Variants in CELF2 observed in about 807,000 individuals in gnomAD.
The protein encoded by CELF2 is CUG triplet repeat RNA-binding protein 2.
A neutral mutation model predicts 62.6 loss-of-function variants in CELF2; 8 were observed. That is an observed-to-expected ratio of 0.13 (90% confidence interval 0.07 to 0.23). The LOEUF (loss-of-function observed/expected upper bound fraction) is 0.23, where lower values mean the gene tolerates loss of function less well. CELF2 is among the 10% of genes least tolerant of loss of function. The probability of loss-of-function intolerance (pLI) is 1.00; values close to 1 mark genes in which losing one functional copy is unlikely to be tolerated. For synonymous variants in CELF2, 258 were observed against 250.0 expected (o/e 1.03, Z -0.30); for missense variants, 333 against 671.0 (o/e 0.50, Z 5.56).
At chr10:10,669,100 G>A in the CELF2 span, among the ~76,000 whole-genome samples, 1 of 152,208 alleles carries the variant, frequency 6.6e-6, no homozygotes, top group African/African-American at 2.4e-5. Flanking sequence ...CCTTGCTGAG[G>A]AGAGAGGCAG....
chr10:10,963,633 A>C (rs760339417), intron 2 of CELF2, among the ~76,000 whole-genome samples: 2 of 151,718 alleles, frequency 1.3e-5, no homozygotes, highest in Admixed American at 1.3e-4. Flanking sequence ...GCCTGTATTT[A>C]TGGGTCCATC....
At chr10:10,955,671 G>C (rs1564258956) in intron 2 of CELF2, among the ~76,000 whole-genome samples, 1 of 152,292 alleles carries the variant, frequency 6.6e-6, no homozygotes, top group East Asian at 1.9e-4. Context: ...GTGAGCTGGG[G>C]CTGAAATTTA....
the CELF2 span, among the ~76,000 whole-genome samples, chr10:10,733,919 T>A: frequency 6.6e-6 from 1 of 152,146 alleles, no homozygotes; most frequent in Non-Finnish European, 1.5e-5. Context: ...TCTTTAAGAA[T>A]GTAATACAAA....
At chr10:11,143,136 GTC>G (rs144178361) in intron 1 of CELF2, among the ~76,000 whole-genome samples, 1,772 of 152,104 alleles carry the variant, frequency 0.012, 28 homozygotes, top group African/African-American at 0.04. Flanking sequence ...TCCTCCTGTT[GTC>G]CTCTTTTTCC....
the CELF2 span, among the ~76,000 whole-genome samples, chr10:10,561,512 C>G: frequency 4.4e-3 from 666 of 152,288 alleles, 9 homozygotes; most frequent in African/African-American, 0.014. Context: ...CCTGAGTGAT[C>G]TTCAATAAAC....
rs1197414759 is a variant in CELF2, at chr10:11,267,940, A to G, written c.618+1263A>G. The stretch of plus-strand genomic sequence containing the variant: ...CTTTGATATTCCTAACATATCTTAT[A>G]TAATCACTGTGTTTTCCTTTCAGTG... On this transcript the variant is annotated intron_variant, in intron 6 of 12. Transcript: ENST00000633077. This position sits in a 1 kb window ranked among gnomAD's most constrained non-coding sequence, Gnocchi z 4.4. Among the ~76,000 whole-genome samples the G allele has an allele frequency of 6.6e-6, 1 of 152,148 alleles. No individual in the cohort carries two copies. Among genetic ancestry groups the G allele is most frequent in the Non-Finnish European group, 1.5e-5 (1 of 68,030 alleles).
intron 2 of CELF2, among the ~76,000 whole-genome samples, chr10:11,198,639 A>T (rs2058530117): frequency 6.6e-6 from 1 of 152,346 alleles, no homozygotes; most frequent in East Asian, 1.9e-4. Flanking sequence ...AAAGCAATCT[A>T]GACCAGTGTC....
the CELF2 span, among the ~76,000 whole-genome samples, chr10:10,624,129 C>A: frequency 2.0e-5 from 3 of 152,198 alleles, no homozygotes; most frequent in Non-Finnish European, 2.9e-5. Context: ...GCACTAGGAA[C>A]AATATTCCCA....
At chr10:10,470,387 G>C in the CELF2 span, among the ~76,000 whole-genome samples, 2 of 151,740 alleles carry the variant, frequency 1.3e-5, no homozygotes, top group Admixed American at 6.6e-5. Flanking sequence ...TAGATCAGAA[G>C]TCTGATACAG....
chr10:11,169,766 G>A lies in CELF2; in HGVS notation c.271+4084G>A, dbSNP rs769249888. ...ATGTCGTCTGTCATGGGAATGGAAGGGGAGGCTGAGGGACAGACGGACAGT... is the reference window on the plus strand; with the variant it reads ...ATGTCGTCTGTCATGGGAATGGAAGAGGAGGCTGAGGGACAGACGGACAGT... On this transcript the variant is annotated intron_variant, in intron 2 of 12. Coordinates refer to ENST00000633077, the MANE Select transcript of CELF2 (RefSeq NM_001326342.2). 1.2e-4 allele frequency among the ~76,000 whole-genome samples: 18 copies of A among 152,318 alleles called. No individual in the cohort carries two copies. The South Asian group carries it at 3.1e-3, about 26-fold the overall frequency.
At chr10:10,989,465 A>T (rs2053189603) in intron 2 of CELF2, among the ~76,000 whole-genome samples, 1 of 152,290 alleles carries the variant, frequency 6.6e-6, no homozygotes, top group African/African-American at 2.4e-5. Context: ...AAAGGACTGC[A>T]TCATAAATGA....
At chr10:10,831,217 C>T (rs536055760) in intron 1 of CELF2, among the ~76,000 whole-genome samples, 1 of 152,316 alleles carries the variant, frequency 6.6e-6, no homozygotes, top group African/African-American at 2.4e-5. Flanking sequence ...ACGAGTCACC[C>T]AGTGTTGACT....
upstream of CELF2, chr10:11,005,253 A>G (rs944723379): frequency 1.4e-6 from 2 of 1,403,098 alleles, no homozygotes; most frequent in Non-Finnish European, 1.8e-6. This position sits in a 1 kb window ranked among gnomAD's most constrained non-coding sequence, Gnocchi z 4.3. Context: ...ACAGAGAGAG[A>G]GGGAGAGAGA....
At chr10:10,505,622 G>A in the CELF2 span, among the ~76,000 whole-genome samples, 2 of 152,076 alleles carry the variant, frequency 1.3e-5, no homozygotes, top group African/African-American at 2.4e-5. Flanking sequence ...CCCCCCTGGG[G>A]CCCTGGAATA....
chr10:10,492,476 C>T, the CELF2 span, among the ~76,000 whole-genome samples: 4 of 149,338 alleles, frequency 2.7e-5, no homozygotes, highest in African/African-American at 1.0e-4. Context: ...TATATATATG[C>T]AAGCTGCACT....
At chr10:10,507,141 A>G in the CELF2 span, among the ~76,000 whole-genome samples, 5 of 152,256 alleles carry the variant, frequency 3.3e-5, no homozygotes, top group African/African-American at 1.2e-4. Flanking sequence ...ACTTCAATGT[A>G]ACGTTGACAT....
chr10:10,690,976 G>T, the CELF2 span, among the ~76,000 whole-genome samples: 1 of 151,424 alleles, frequency 6.6e-6, no homozygotes, highest in East Asian at 1.9e-4. Context: ...CAGAGAAAAG[G>T]GAAATCGCCA....
Position 11,247,602 on chromosome 10 carries a change from A to G in CELF2, c.355-1551A>G, listed in dbSNP as rs964783812. ...CCCTCCATCCTATGCCCGCCATCCC[A>G]TGCCCGCCATCCCACCCCTGCCACA... On this transcript the variant is annotated intron_variant, in intron 3 of 12. Coordinates refer to ENST00000633077, the MANE Select transcript of CELF2 (RefSeq NM_001326342.2). This position sits in a 1 kb window ranked among gnomAD's most constrained non-coding sequence, Gnocchi z 5.4. Among the ~76,000 whole-genome samples the G allele has an allele frequency of 1.5e-5, 1 of 64,944 alleles. No individual in the cohort carries two copies. The highest frequency in any genetic ancestry group is 6.2e-5 in the African/African-American group (1 of 16,198). 42.6% of individuals were successfully genotyped at this position (64,944 alleles called of 152,430 possible).
chr10:11,016,212 A>C (rs1352781317), upstream of CELF2, among the ~76,000 whole-genome samples: 1 of 152,240 alleles, frequency 6.6e-6, no homozygotes, highest in African/African-American at 2.4e-5. This position sits in a 1 kb window ranked among gnomAD's most constrained non-coding sequence, Gnocchi z 5.2. Flanking sequence ...AAGGCAGAAG[A>C]GTAGCTGGGG....
Sources: allele counts gnomAD v4.1 joint callset (sites outside exome capture counted in the v4.1 genomes callset), GRCh38; gene constraint gnomAD v4.1.1; non-coding constraint Gnocchi (gnomAD v3.1); transcripts MANE v1.5; gene names NCBI Gene and HGNC (gene_info 2026-07-23, HGNC 2026-07-21).